Variants in KCNJ6 observed in about 807,000 individuals in gnomAD.
KCNJ6 encodes G protein-activated inward rectifier potassium channel 2.
KCNJ6 carries 9 observed loss-of-function variants against 34.2 expected under a neutral mutation model. The observed-to-expected ratio is 0.26, with a 90% CI of 0.16 to 0.46. The LOEUF is 0.46. Among genes scored for constraint, KCNJ6 ranks in the 20% least tolerant of loss-of-function variants. The pLI is 1.00. For missense variants in KCNJ6, 236 were observed against 531.3 expected, an observed-to-expected ratio of 0.44 and a Z score of 5.46; for synonymous variants, 196 against 207.1, an observed-to-expected ratio of 0.95 and a Z score of 0.46.
intron 3 of KCNJ6, among the ~76,000 whole-genome samples, chr21:37,628,095 C>T (rs997024968): frequency 3.9e-5 from 6 of 152,144 alleles, no homozygotes; most frequent in Non-Finnish European, 8.8e-5. Flanking sequence ...CATTATATTA[C>T]TTAAAATGCC....
rs186537964 is a variant in KCNJ6, at chr21:37,700,135, T to C, written c.946+14076A>G. Reference sequence around the variant, plus strand: ...AAGGCATAATCTTTATCCTCAAAAGTGTAGTCTGTTGAGGACACCCACATG... The same window carrying C: ...AAGGCATAATCTTTATCCTCAAAAGCGTAGTCTGTTGAGGACACCCACATG... On this transcript the variant is annotated intron_variant, in intron 3 of 3. Transcript: ENST00000609713. 2.8e-3 allele frequency among the ~76,000 whole-genome samples: 419 copies of C among 151,122 alleles called. 2 individuals are homozygous for C. The highest frequency in any genetic ancestry group is 4.7e-3 in the Non-Finnish European group (316 of 67,818).
At chr21:37,700,318 C>T (rs758030529) in intron 3 of KCNJ6, among the ~76,000 whole-genome samples, 13 of 152,112 alleles carry the variant, frequency 8.5e-5, no homozygotes, top group East Asian at 3.9e-4. Context: ...TAGGCAGAGA[C>T]GATGTCACAG....
At chr21:37,666,799 T>C (rs945616530) in intron 3 of KCNJ6, among the ~76,000 whole-genome samples, 1 of 151,996 alleles carries the variant, frequency 6.6e-6, no homozygotes, top group South Asian at 2.1e-4. Context: ...CATTTTGTTC[T>C]GTACTAAGAA....
chr21:37,898,680 G>A (rs1454860258), intron 1 of KCNJ6, among the ~76,000 whole-genome samples: 1 of 152,178 alleles, frequency 6.6e-6, no homozygotes, highest in Non-Finnish European at 1.5e-5. Context: ...GGTGGGTGGA[G>A]TTGCAGACCA....
At position 37,665,753 on chromosome 21, in the gene KCNJ6, C is replaced by T. The variant is rs1539904; in HGVS notation, c.947-40269G>A. Among the ~76,000 whole-genome samples, 4 of 402 alleles carry T rather than the reference C, an allele frequency of 1.0e-2. No homozygotes were observed. The East Asian group carries it at 0.18, about 18-fold the overall frequency. 0.3% of individuals were successfully genotyped at this position (402 alleles called of 152,430 possible). On this transcript the variant is annotated intron_variant, in intron 3 of 3. Transcript: ENST00000609713. ...AAGTATCACAGACAATTTTTGTAGC[C>T]GAGCGTTGCTGCTGTTTAGTAATTC...
chr21:37,817,223 A>G (rs1390226770), intron 2 of KCNJ6, among the ~76,000 whole-genome samples: 1 of 152,208 alleles, frequency 6.6e-6, no homozygotes, highest in Non-Finnish European at 1.5e-5. Flanking sequence ...AGGTTAGGTA[A>G]CTGGGTTTGC....
intron 3 of KCNJ6, among the ~76,000 whole-genome samples, chr21:37,636,312 A>C (rs1450728695): frequency 6.6e-6 from 1 of 152,254 alleles, no homozygotes; most frequent in East Asian, 1.9e-4. Context: ...TCCCCAGCGC[A>C]GTCAAACTGA....
At chr21:37,903,872 A>C (rs1484890175) in intron 1 of KCNJ6, among the ~76,000 whole-genome samples, 1 of 152,214 alleles carries the variant, frequency 6.6e-6, no homozygotes, top group Non-Finnish European at 1.5e-5. Context: ...CAGGACACCC[A>C]GGGTCTGTCT....
At chr21:37,758,106 G>A (rs894584992) in intron 2 of KCNJ6, among the ~76,000 whole-genome samples, 1 of 151,216 alleles carries the variant, frequency 6.6e-6, no homozygotes, top group African/African-American at 2.5e-5. Context: ...CTAATTTTCA[G>A]GGGTCCAGCT....
intron 1 of KCNJ6, among the ~76,000 whole-genome samples, chr21:37,875,528 G>T (rs1040098272): frequency 1.3e-5 from 2 of 152,196 alleles, no homozygotes; most frequent in Non-Finnish European, 2.9e-5. Context: ...CTACCCTAGG[G>T]TTCCTCGGGG....
rs2054257617 is a variant in KCNJ6, at chr21:37,614,624, GCATATGTC to G, written c.*10527_*10534del. The G allele has an allele frequency of 2.2e-5, 3 of 136,620 alleles. No individual in the cohort carries two copies. Among genetic ancestry groups the G allele is most frequent in the Non-Finnish European group, 3.3e-5 (2 of 60,654 alleles). 8.5% of individuals were successfully genotyped at this position (136,620 alleles called of 1,614,324 possible). On this transcript the variant is annotated 3_prime_UTR_variant, in exon 4 of 4. Transcript: ENST00000609713. ...TGCATGTCTGTATGCGTGTGTGTAT[GCATATGTC>G]TGTGTGTGTATGCACGTGTGTGTAT...
rs2054291185 is a variant in KCNJ6 at position 37,621,942 on chromosome 21, A to G, written c.*3217T>C. ...TTTATTGGTTCCATAAAGTTGATTTATAAATGAATGGGTGCTCTTCCAGTT... is the reference window on the plus strand; with the variant it reads ...TTTATTGGTTCCATAAAGTTGATTTGTAAATGAATGGGTGCTCTTCCAGTT... On this transcript the variant is annotated 3_prime_UTR_variant, in exon 4 of 4. Transcript: ENST00000609713. 1 of 152,232 alleles carries G rather than the reference A, an allele frequency of 6.6e-6. No individual in the cohort carries two copies. Among genetic ancestry groups the G allele is most frequent in the Non-Finnish European group, 1.5e-5 (1 of 68,036 alleles). 9.4% of individuals were successfully genotyped at this position (152,232 alleles called of 1,614,324 possible).
intron 3 of KCNJ6, among the ~76,000 whole-genome samples, chr21:37,713,298 G>A (rs2054772298): frequency 6.6e-6 from 1 of 152,030 alleles, no homozygotes; most frequent in Non-Finnish European, 1.5e-5. Flanking sequence ...GATGGTATCA[G>A]GAAAAAGGAC....
chr21:37,703,386 C>T (rs1194316293), intron 3 of KCNJ6, among the ~76,000 whole-genome samples: 1 of 151,926 alleles, frequency 6.6e-6, no homozygotes, highest in Non-Finnish European at 1.5e-5. Flanking sequence ...TGGAAATGGT[C>T]GTGAGAAGAT....
chr21:37,627,553 T>C (rs898324200), intron 3 of KCNJ6, among the ~76,000 whole-genome samples: 1 of 152,146 alleles, frequency 6.6e-6, no homozygotes, highest in Non-Finnish European at 1.5e-5. Context: ...AGGAAGTACA[T>C]GTTTATGGTA....
At position 37,616,590 on chromosome 21, in the gene KCNJ6, CATATATATATATATAT is replaced by C; in HGVS notation, c.*8553_*8568del. ...AATTATGAAGCAGGAACAAAATGTA[CATATATATATATATAT>C]ATATATATATGGTTAGACTCTGAAC... is the stretch of plus-strand genomic sequence containing the variant. On this transcript the variant is annotated 3_prime_UTR_variant, in exon 4 of 4. Coordinates refer to ENST00000609713, the MANE Select transcript of KCNJ6 (RefSeq NM_002240.5). The C allele has an allele frequency of 4.4e-5, 4 of 90,916 alleles. No individual in the cohort carries two copies. Among genetic ancestry groups the C allele is most frequent in the Non-Finnish European group, 8.9e-5 (4 of 45,126 alleles). 5.6% of individuals were successfully genotyped at this position (90,916 alleles called of 1,614,324 possible).
intron 2 of KCNJ6, among the ~76,000 whole-genome samples, chr21:37,813,600 T>C (rs139683856): frequency 6.6e-6 from 1 of 152,228 alleles, no homozygotes; most frequent in Non-Finnish European, 1.5e-5. Flanking sequence ...AGCAAATCCA[T>C]ACACCTGCAT....
rs554950262 is a variant in KCNJ6, at chr21:37,887,501, G to A, written c.-28+28383C>T. Among the ~76,000 whole-genome samples, 5 of 152,320 alleles carry A rather than the reference G, an allele frequency of 3.3e-5. No individual in the cohort carries two copies. The South Asian group carries it at 1.0e-3, about 32-fold the overall frequency. On this transcript the variant is annotated intron_variant, in intron 1 of 3. Coordinates refer to ENST00000609713, the MANE Select transcript of KCNJ6 (RefSeq NM_002240.5). Reference sequence around the variant, plus strand: ...AAGACAAAGTCCTTGCCTTCATGGAGCTTGCATTTTGGTGGGAGATAAAAG... The same window carrying A: ...AAGACAAAGTCCTTGCCTTCATGGAACTTGCATTTTGGTGGGAGATAAAAG...
At chr21:37,698,019 AGC>A (rs1446456141) in intron 3 of KCNJ6, among the ~76,000 whole-genome samples, 1 of 152,210 alleles carries the variant, frequency 6.6e-6, no homozygotes, top group African/African-American at 2.4e-5. Flanking sequence ...AGAAAGACAG[AGC>A]AAGCCCAAAA....
Sources: allele counts gnomAD v4.1 joint callset (sites outside exome capture counted in the v4.1 genomes callset), GRCh38; gene constraint gnomAD v4.1.1; transcripts MANE v1.5; gene names NCBI Gene and HGNC (gene_info 2026-07-23, HGNC 2026-07-21).